Variants in GRB14 observed in about 807,000 individuals in gnomAD.
The protein encoded by GRB14 is growth factor receptor-bound protein 14.
GRB14 carries 38 observed loss-of-function variants against 69.1 expected under a neutral mutation model. The ratio of observed to expected loss-of-function variants is 0.55; its 90% CI spans 0.42 to 0.72. The LOEUF (loss-of-function observed/expected upper bound fraction) is 0.72. GRB14 is among the 30% of genes least tolerant of loss of function. GRB14 has a pLI of 0.00. For synonymous variants in GRB14, 247 were observed against 241.3 expected, an observed-to-expected ratio of 1.02 and a Z score of -0.22; for missense variants, 666 against 666.1, an observed-to-expected ratio of 1.00 and a Z score of 0.00.
At chr2:164,620,446 T>C (rs1690428417) in intron 1 of GRB14, among the ~76,000 whole-genome samples, 1 of 152,178 alleles carries the variant, frequency 6.6e-6, no homozygotes, top group African/African-American at 2.4e-5. Flanking sequence ...TAGAACTTGC[T>C]AGTATAAATG....
At chr2:164,558,422 C>T (rs1688735311) in intron 2 of GRB14, among the ~76,000 whole-genome samples, 1 of 152,052 alleles carries the variant, frequency 6.6e-6, no homozygotes, top group Non-Finnish European at 1.5e-5. Context: ...TTATCACATA[C>T]AGACACACAC....
At position 164,584,973 on chromosome 2, in the gene GRB14, ACT is replaced by A. The variant is rs537833606; in HGVS notation, c.324+34712_324+34713del. ...TGTGGTTTTTTTGAGATGGAGTCTC[ACT>A]CTGTTACCTAGGCTAGAGTGCAGTG... On this transcript the variant is annotated intron_variant, in intron 2 of 13. Coordinates refer to ENST00000263915, the MANE Select transcript of GRB14 (RefSeq NM_004490.3). 2.8e-5 allele frequency among the ~76,000 whole-genome samples: 4 copies of A among 142,862 alleles called. No homozygotes were observed. The East Asian group carries it at 6.0e-4, about 21-fold the overall frequency. 93.7% of individuals were successfully genotyped at this position (142,862 alleles called of 152,430 possible). A position where few individuals can be genotyped will look rare whatever the true frequency, so the allele number is the denominator to read the frequency against.
intron 4 of GRB14, 76 bp downstream of exon 4, chr2:164,526,938 A>C (rs990097459): frequency 3.9e-6 from 4 of 1,019,350 alleles, no homozygotes; most frequent in Admixed American, 2.4e-5. Flanking sequence ...TATTTTATTT[A>C]CAGTGACTAT....
chr2:164,611,839 T>C (rs1690173080), intron 2 of GRB14, among the ~76,000 whole-genome samples: 2 of 152,140 alleles, frequency 1.3e-5, no homozygotes, highest in African/African-American at 4.8e-5. Context: ...AAAAGTGTGG[T>C]CACTATATGG....
At chr2:164,521,823 G>A (rs1383565171) in intron 6 of GRB14, among the ~76,000 whole-genome samples, 157 bp downstream of exon 6, 2 of 152,090 alleles carry the variant, frequency 1.3e-5, no homozygotes, top group Non-Finnish European at 2.9e-5. Context: ...GTAAAGCTGA[G>A]TAGTGTTTAA....
At chr2:164,561,929 G>A (rs1376695473) in intron 2 of GRB14, among the ~76,000 whole-genome samples, 1 of 152,118 alleles carries the variant, frequency 6.6e-6, no homozygotes, top group African/African-American at 2.4e-5. Context: ...AAAGGCCTGA[G>A]CATTACAGCT....
chr2:164,549,585 G>C (rs921003542), intron 2 of GRB14, among the ~76,000 whole-genome samples: 1 of 152,040 alleles, frequency 6.6e-6, no homozygotes, highest in Non-Finnish European at 1.5e-5. Flanking sequence ...TATTATAGCT[G>C]GGCACAGTGG....
intron 2 of GRB14, among the ~76,000 whole-genome samples, chr2:164,568,932 TAA>T (rs527758021): frequency 1.3e-5 from 2 of 152,158 alleles, no homozygotes; most frequent in African/African-American, 4.8e-5. Context: ...TATGGTATAA[TAA>T]AAGAGTTTTA....
intron 2 of GRB14, among the ~76,000 whole-genome samples, chr2:164,585,044 G>A (rs1159993494): frequency 7.8e-6 from 1 of 128,600 alleles, no homozygotes; most frequent in Non-Finnish European, 1.6e-5. Context: ...TTGGGTTCAA[G>A]TGATTCTCCT....
chr2:164,495,162 G>A (rs1686858904), intron 12 of GRB14, among the ~76,000 whole-genome samples: 1 of 151,870 alleles, frequency 6.6e-6, no homozygotes, highest in Non-Finnish European at 1.5e-5. Context: ...GGCTGGTTTC[G>A]AACTCCAGAC....
At chr2:164,546,864 G>A (rs556251571) in intron 3 of GRB14, among the ~76,000 whole-genome samples, 4 of 152,160 alleles carry the variant, frequency 2.6e-5, no homozygotes, top group Non-Finnish European at 5.9e-5. Flanking sequence ...CTGTTCAGCA[G>A]CACCACACGA....
In GRB14 at chr2:164,497,399, G is replaced by A. The variant is rs766119782; in HGVS notation, c.1196C>T (p.Ala399Val). ...IENPTEALSV[A>V]VEEGLAWRKK... ...CCTCCAAGCGAGTCCTTCTTCAACC[G>A]CAACTGAAAGGGCTTCAGTGGGATT... The change falls in exon 10 of 14, where the codon GCG becomes GTG. Residue 399 changes from alanine to valine, a missense_variant. Physicochemically the swap from Ala to Val is moderately conservative, Grantham distance 64 (BLOSUM62 0). Transcript: ENST00000263915. The A allele has an allele frequency of 7.4e-6, 12 of 1,612,988 alleles. No homozygotes were observed. The highest frequency in any genetic ancestry group is 1.1e-5 in the South Asian group (1 of 90,990).
At chr2:164,544,977 A>G (rs11683488) in intron 3 of GRB14, among the ~76,000 whole-genome samples, 64,493 of 152,142 alleles carry the variant, frequency 0.42, 16,300 homozygotes, top group Non-Finnish European at 0.57. Flanking sequence ...TTTTAATTCC[A>G]TTTCATAAGA....
rs561623672 is a variant in GRB14, at chr2:164,575,147, T to C, written c.325-27331A>G. Among the ~76,000 whole-genome samples, 11 of 152,254 alleles carry C rather than the reference T, an allele frequency of 7.2e-5. No homozygotes were observed. The South Asian group carries it at 1.9e-3, about 26-fold the overall frequency. ...TCAGTGGACACCACTGCCCTCTAGA[T>C]ACACCACTGGATGCAGTAATGTGCA... On this transcript the variant is annotated intron_variant, in intron 2 of 13. Coordinates refer to ENST00000263915, the MANE Select transcript of GRB14 (RefSeq NM_004490.3).
intron 6 of GRB14, among the ~76,000 whole-genome samples, chr2:164,519,645 A>G (rs1687585278): frequency 6.6e-6 from 1 of 152,144 alleles, no homozygotes; most frequent in Non-Finnish European, 1.5e-5. Context: ...GAACTGATAA[A>G]TGAATTAAGC....
At chr2:164,541,373 G>T (rs1688235307) in intron 3 of GRB14, among the ~76,000 whole-genome samples, 1 of 151,988 alleles carries the variant, frequency 6.6e-6, no homozygotes, top group South Asian at 2.1e-4. Context: ...TTGGGAGGCT[G>T]AGGCAGGAGA....
intron 3 of GRB14, among the ~76,000 whole-genome samples, chr2:164,534,371 G>A (rs1231370927): frequency 6.6e-6 from 1 of 152,000 alleles, no homozygotes; most frequent in Non-Finnish European, 1.5e-5. Flanking sequence ...AACCCTGGGA[G>A]GCATAATTGA....
At chr2:164,517,130 G>A (rs952661369) in intron 6 of GRB14, among the ~76,000 whole-genome samples, 1 of 152,138 alleles carries the variant, frequency 6.6e-6, no homozygotes, top group African/African-American at 2.4e-5. Flanking sequence ...CATGGCTGGG[G>A]AGGCCTCACA....
intron 3 of GRB14, among the ~76,000 whole-genome samples, chr2:164,538,603 G>C (rs972304657): frequency 2.0e-5 from 3 of 152,080 alleles, no homozygotes; most frequent in Non-Finnish European, 4.4e-5. Flanking sequence ...TCCAAAATCA[G>C]GCCATTCAGA....
Sources: allele counts gnomAD v4.1 joint callset (sites outside exome capture counted in the v4.1 genomes callset), GRCh38; gene constraint gnomAD v4.1.1; transcripts MANE v1.5; gene names NCBI Gene and HGNC (gene_info 2026-07-23, HGNC 2026-07-21).